Variants in PTDSS1 observed in about 807,000 individuals in gnomAD.
The protein encoded by PTDSS1 is phosphatidylserine synthase 1.
In PTDSS1, 45 loss-of-function variants were observed where a neutral mutation model predicts 70.5. The observed-to-expected ratio is 0.64, with a 90% CI of 0.50 to 0.82. The LOEUF (loss-of-function observed/expected upper bound fraction) is 0.82, where lower values mean the gene tolerates loss of function less well. Among genes scored for constraint, PTDSS1 ranks in the 40% least tolerant of loss-of-function variants. The pLI, the probability that PTDSS1 is intolerant of heterozygous loss-of-function variation, is 0.00. For synonymous variants in PTDSS1, 188 were observed against 203.8 expected, an observed-to-expected ratio of 0.92 and a Z score of 0.66; for missense variants, 417 against 586.1, an observed-to-expected ratio of 0.71 and a Z score of 2.98.
intron 8 of PTDSS1, among the ~76,000 whole-genome samples, chr8:96,307,615 G>A (rs1482979631): frequency 2.6e-5 from 4 of 152,066 alleles, no homozygotes; most frequent in South Asian, 2.1e-4. Context: ...TTGAAACTTC[G>A]TAGATTAGTG....
intron 2 of PTDSS1, among the ~76,000 whole-genome samples, 187 bp downstream of exon 2, chr8:96,273,577 G>A (rs552679651): frequency 2.0e-5 from 3 of 152,304 alleles, no homozygotes; most frequent in East Asian, 1.9e-4. Context: ...TCCTAAGAGT[G>A]CTGAGAATAC....
intron 6 of PTDSS1, among the ~76,000 whole-genome samples, chr8:96,301,883 A>T (rs1311604316): frequency 6.6e-6 from 1 of 152,250 alleles, no homozygotes; most frequent in African/African-American, 2.4e-5. Context: ...ATTTTGGTAT[A>T]TGATGTGAGG....
chr8:96,302,211 T>C (rs1402347626), intron 6 of PTDSS1, among the ~76,000 whole-genome samples: 2 of 152,046 alleles, frequency 1.3e-5, no homozygotes, highest in Non-Finnish European at 1.5e-5. Flanking sequence ...TTTGTATTGT[T>C]AGTAGAGACA....
chr8:96,275,223 A>G (rs1039264572), intron 2 of PTDSS1, among the ~76,000 whole-genome samples: 8 of 152,068 alleles, frequency 5.3e-5, no homozygotes, highest in African/African-American at 1.7e-4. Flanking sequence ...AAGTGTGGTT[A>G]TAGGGCACTA....
chr8:96,336,218 G>A lies in PTDSS1; in HGVS notation c.*2652G>A, dbSNP rs1273622327. On this transcript the variant is annotated 3_prime_UTR_variant, in exon 13 of 13. Coordinates refer to ENST00000517309, the MANE Select transcript of PTDSS1 (RefSeq NM_014754.3). ...CGCTAGGACTCTGCTTCCACAGTAA[G>A]CTCCTAAGGTGCTCACCCAACCCAG... 1.3e-5 allele frequency: 2 copies of A among 151,960 alleles called. No individual in the cohort carries two copies. Among genetic ancestry groups the A allele is most frequent in the African/African-American group, 2.4e-5 (1 of 41,218 alleles). 9.4% of individuals were successfully genotyped at this position (151,960 alleles called of 1,614,324 possible). A position where few individuals can be genotyped will look rare whatever the true frequency, so the allele number is the denominator to read the frequency against.
chr8:96,314,902 G>C (rs1367202048), intron 9 of PTDSS1, among the ~76,000 whole-genome samples: 1 of 152,032 alleles, frequency 6.6e-6, no homozygotes, highest in Non-Finnish European at 1.5e-5. Context: ...GGCCTACAAA[G>C]CTTTTTTTTA....
chr8:96,282,243 G>A (rs1268945482), intron 2 of PTDSS1, among the ~76,000 whole-genome samples: 1 of 152,228 alleles, frequency 6.6e-6, no homozygotes, highest in Non-Finnish European at 1.5e-5. Flanking sequence ...CATGAGTAAA[G>A]AGGAGCATTT....
chr8:96,327,723 A>C (rs1811457638), intron 10 of PTDSS1, among the ~76,000 whole-genome samples: 1 of 152,120 alleles, frequency 6.6e-6, no homozygotes, highest in Non-Finnish European at 1.5e-5. Flanking sequence ...GCCGTCATTA[A>C]TTTGAATGCT....
chr8:96,331,207 C>A, intron 12 of PTDSS1, 112 bp downstream of exon 12: 2 of 959,344 alleles, frequency 2.1e-6, no homozygotes, highest in South Asian at 1.5e-5. Flanking sequence ...CAGGCCTACC[C>A]ATTGAATGTC....
In PTDSS1 at chr8:96,323,215, C is replaced by T. The variant is rs148442211; in HGVS notation, c.1173+2870C>T. 7.6e-3 allele frequency among the ~76,000 whole-genome samples: 1,152 copies of T among 152,310 alleles called. 7 individuals are homozygous for T. Among genetic ancestry groups the T allele is most frequent in the Non-Finnish European group, 0.011 (776 of 68,020 alleles). On this transcript the variant is annotated intron_variant, in intron 10 of 12. Coordinates refer to ENST00000517309, the MANE Select transcript of PTDSS1 (RefSeq NM_014754.3). ...CAGCCAGTGCTTCAGTTCTTCCAGG[C>T]GGGAGTTGCACACTGGCAACCCTAC...
At chr8:96,270,460 G>GGGGA (rs750885719) in intron 1 of PTDSS1, among the ~76,000 whole-genome samples, 7 of 152,280 alleles carry the variant, frequency 4.6e-5, no homozygotes, top group Admixed American at 6.5e-5. Context: ...TGTGGCCAGA[G>GGGGA]GGGAGTTTGG....
intron 5 of PTDSS1, 129 bp downstream of exon 5, chr8:96,295,385 C>T: frequency 1.0e-6 from 1 of 1,000,236 alleles, no homozygotes; most frequent in South Asian, 3.3e-5. Context: ...AGTATTTAAA[C>T]CATCCCATAA....
At chr8:96,309,451 C>G in intron 8 of PTDSS1, 106 bp from the exon 9 acceptor site, 1 of 942,848 alleles carries the variant, frequency 1.1e-6, no homozygotes, top group Admixed American at 2.0e-5. Flanking sequence ...GGCAGCCTGA[C>G]ATGGGACAAG....
rs953136378 is a variant in PTDSS1 at position 96,262,878 on chromosome 8, C to G, written c.179+659C>G. ...CTGTACCACGGCACAAACTGCCACT[C>G]TAAACACACACCTCACAGCGGACCT... On this transcript the variant is annotated intron_variant, in intron 1 of 12. Transcript: ENST00000517309. The surrounding 1 kb of genome is among the most constrained non-coding windows in gnomAD (Gnocchi z 4.4). Among the ~76,000 whole-genome samples the G allele has an allele frequency of 1.3e-5, 2 of 152,222 alleles. No individual in the cohort carries two copies. Among genetic ancestry groups the G allele is most frequent in the African/African-American group, 4.8e-5 (2 of 41,448 alleles).
intron 7 of PTDSS1, 126 bp from the exon 8 acceptor site, chr8:96,306,318 A>T: frequency 1.4e-6 from 1 of 717,140 alleles, no homozygotes; most frequent in Non-Finnish European, 2.4e-6. Context: ...TTGGAAGACC[A>T]CATCTATTCT....
chr8:96,286,876 A>C (rs1810829958), intron 3 of PTDSS1, 146 bp from the exon 4 acceptor site: 1 of 1,046,246 alleles, frequency 9.6e-7, no homozygotes, highest in South Asian at 1.5e-5. Flanking sequence ...TCATCAAGGG[A>C]AATCCCAGAT....
At chr8:96,274,502 G>A (rs1810612513) in intron 2 of PTDSS1, among the ~76,000 whole-genome samples, 1 of 152,142 alleles carries the variant, frequency 6.6e-6, no homozygotes, top group African/African-American at 2.4e-5. Flanking sequence ...GAGGTGGGCG[G>A]ATCAGCTGAG....
intron 1 of PTDSS1, among the ~76,000 whole-genome samples, chr8:96,272,876 G>C (rs1810586197): frequency 6.6e-6 from 1 of 152,072 alleles, no homozygotes; most frequent in South Asian, 2.1e-4. Flanking sequence ...AGTAAAAACT[G>C]GTGTTCCTGG....
chr8:96,314,443 C>A (rs34545432), intron 9 of PTDSS1, among the ~76,000 whole-genome samples: 65,865 of 150,900 alleles, frequency 0.44, 14,746 homozygotes, highest in Middle Eastern at 0.48. Context: ...GGAGGGGGGT[C>A]CCTTCCCAGC....
Sources: gnomAD v4.1 joint callset for allele counts (sites outside exome capture counted in the v4.1 genomes callset) on GRCh38, gnomAD v4.1.1 for gene constraint, Gnocchi (gnomAD v3.1) non-coding constraint, MANE v1.5 for transcripts, NCBI Gene and HGNC (gene_info 2026-07-23, HGNC 2026-07-21) for gene names.